RBFOX3: variants seen among roughly 807,000 people sequenced by gnomAD.
RBFOX3 encodes RNA binding fox-1 homolog 3.
A neutral mutation model predicts 48.7 loss-of-function variants in RBFOX3; 17 were observed. That is an observed-to-expected ratio of 0.35 (90% CI 0.24 to 0.52). RBFOX3 has a LOEUF of 0.52. Among genes scored for constraint, RBFOX3 ranks in the 20% least tolerant of loss-of-function variants. RBFOX3 has a pLI of 0.94. For missense variants in RBFOX3, 382 were observed against 497.5 expected (o/e 0.77, Z 2.21); for synonymous variants, 212 against 209.5 (o/e 1.01, Z -0.10).
At chr17:79,466,306 A>T (rs1555753689) in intron 2 of RBFOX3, among the ~76,000 whole-genome samples, 1 of 152,172 alleles carries the variant, frequency 6.6e-6, no homozygotes, top group African/African-American at 2.4e-5. Context: ...GGTGATCAGG[A>T]AGAGTCCTGG....
chr17:79,624,160 A>G, the RBFOX3 span, among the ~76,000 whole-genome samples: 1 of 152,110 alleles, frequency 6.6e-6, no homozygotes, highest in East Asian at 1.9e-4. Flanking sequence ...TTGTTACGGT[A>G]GTCCTAGAAA....
chr17:79,362,525 G>A lies in RBFOX3; in HGVS notation c.-174-54701C>T, dbSNP rs756346922. Among the ~76,000 whole-genome samples, 6 of 152,222 alleles carry A rather than the reference G, an allele frequency of 3.9e-5. No homozygotes were observed. Among genetic ancestry groups the A allele is most frequent in the Non-Finnish European group, 8.8e-5 (6 of 68,034 alleles). ...GGCTGAGGGGAGCAGGGGGAGCAGTGTCAGCAGGGGCCTGGCTGTGGCTTG... is the reference window on the plus strand; with the variant it reads ...GGCTGAGGGGAGCAGGGGGAGCAGTATCAGCAGGGGCCTGGCTGTGGCTTG... On this transcript the variant is annotated intron_variant, in intron 2 of 14. Coordinates refer to ENST00000693108, the MANE Select transcript of RBFOX3 (RefSeq NM_001350451.2). This position sits in a 1 kb window ranked among gnomAD's most constrained non-coding sequence, Gnocchi z 4.2.
At chr17:79,657,565 G>A in the RBFOX3 span, among the ~76,000 whole-genome samples, 2 of 152,218 alleles carry the variant, frequency 1.3e-5, no homozygotes, top group Non-Finnish European at 2.9e-5. Context: ...TGTAGTCCCA[G>A]CTACTCAGGA....
intron 3 of RBFOX3, among the ~76,000 whole-genome samples, chr17:79,280,841 T>TGGGGGGGGGG (rs34734841): frequency 9.8e-6 from 1 of 101,680 alleles, no homozygotes; most frequent in Non-Finnish European, 1.9e-5. Flanking sequence ...TGTCCCATTG[T>TGGGGGGGGGG]GGGGGGGGGG....
At chr17:79,611,166 CTCTCTCTCCGCCCTCCT>C (rs2093963565), upstream of RBFOX3, among the ~76,000 whole-genome samples, 53 of 35,520 alleles carry the variant, frequency 1.5e-3, 8 homozygotes, top group East Asian at 5.6e-3. Flanking sequence ...CTCTCTCTCT[CTCTCTCTCCGCCCTCCT>C]TCTCTCTCTC....
intron 3 of RBFOX3, among the ~76,000 whole-genome samples, chr17:79,289,875 TA>T (rs1294138122): frequency 1.3e-5 from 2 of 152,180 alleles, no homozygotes; most frequent in African/African-American, 2.4e-5. Flanking sequence ...TTGCTAAAAA[TA>T]ACTAATAACA....
intron 1 of RBFOX3, among the ~76,000 whole-genome samples, chr17:79,593,625 C>T (rs1430817042): frequency 1.3e-5 from 2 of 152,196 alleles, no homozygotes. Flanking sequence ...TTCTGAGGAC[C>T]GGAGTGGCCT....
chr17:79,639,330 G>A, the RBFOX3 span, among the ~76,000 whole-genome samples: 93 of 151,858 alleles, frequency 6.1e-4, no homozygotes, highest in African/African-American at 2.0e-3. Context: ...ACCCACCACC[G>A]CGCCCGGCTA....
the RBFOX3 span, among the ~76,000 whole-genome samples, chr17:79,632,309 G>C: frequency 0.026 from 3,983 of 152,234 alleles, 192 homozygotes; most frequent in African/African-American, 0.088. Flanking sequence ...TGGGGCCGGG[G>C]ATGTGCTGCT....
chr17:79,182,004 C>T (rs1053716501), intron 4 of RBFOX3, among the ~76,000 whole-genome samples: 1 of 149,800 alleles, frequency 6.7e-6, no homozygotes, highest in Non-Finnish European at 1.5e-5. Context: ...CACACACAAA[C>T]ACACAATCAC....
In RBFOX3 at chr17:79,101,597, G is replaced by A. The variant is rs2076447451; in HGVS notation, c.555C>T (p.Asn185=). The A allele has an allele frequency of 1.9e-6, 3 of 1,551,194 alleles. No individual in the cohort carries two copies. The highest frequency in any genetic ancestry group is 2.6e-6 in the Non-Finnish European group (3 of 1,146,896). Reference sequence around the variant, plus strand: ...CCAGCCCCTTACCGTTGGTGTAGGGGTTCCCCGTCTTCTTGTTGGTCATCA... The same window carrying A: ...CCAGCCCCTTACCGTTGGTGTAGGGATTCCCCGTCTTCTTGTTGGTCATCA... The part of the protein sequence containing the change: ...ARVMTNKKTG[N]PYTNGWKLNP... Residue 185 remains asparagine, a synonymous_variant, in exon 9 of 15, where the codon AAC becomes AAT. Transcript: ENST00000693108.
chr17:79,464,500 G>A (rs1343172468), intron 2 of RBFOX3, among the ~76,000 whole-genome samples: 2 of 152,244 alleles, frequency 1.3e-5, no homozygotes, highest in Non-Finnish European at 2.9e-5. Flanking sequence ...GCGGCCCGAG[G>A]ACAGGCGACA....
At chr17:79,604,402 C>A (rs930051536) in intron 1 of RBFOX3, among the ~76,000 whole-genome samples, 1,598 of 143,744 alleles carry the variant, frequency 0.011, 24 homozygotes, top group East Asian at 0.063. Flanking sequence ...CCAGGTGATA[C>A]ATTAAAAAGT....
chr17:79,383,963 G>A (rs1031184857), intron 2 of RBFOX3, among the ~76,000 whole-genome samples: 6 of 152,198 alleles, frequency 3.9e-5, no homozygotes, highest in Admixed American at 3.9e-4. Flanking sequence ...TGTGGGGGAA[G>A]GCAAGATTCA....
At chr17:79,419,587 A>G (rs1555720921) in intron 2 of RBFOX3, among the ~76,000 whole-genome samples, 1 of 152,236 alleles carries the variant, frequency 6.6e-6, no homozygotes, top group Non-Finnish European at 1.5e-5. Flanking sequence ...ACACAGGGCA[A>G]TCTTGGAGAA....
At chr17:79,369,318 GC>G (rs1158960618) in intron 2 of RBFOX3, among the ~76,000 whole-genome samples, 1 of 151,842 alleles carries the variant, frequency 6.6e-6, no homozygotes, top group Non-Finnish European at 1.5e-5. Flanking sequence ...ACCACAGTCT[GC>G]CCCCACTCCC....
intron 2 of RBFOX3, among the ~76,000 whole-genome samples, chr17:79,380,550 T>C (rs1388112438): frequency 6.6e-6 from 1 of 152,172 alleles, no homozygotes; most frequent in Non-Finnish European, 1.5e-5. Context: ...CTTTCCTAGA[T>C]GCTGAGCCAG....
chr17:79,155,894 A>G (rs1301522928), intron 4 of RBFOX3, among the ~76,000 whole-genome samples: 1 of 152,182 alleles, frequency 6.6e-6, no homozygotes, highest in Non-Finnish European at 1.5e-5. Flanking sequence ...TCTGACTGCC[A>G]CGGGGCTCGG....
At chr17:79,175,673 A>G (rs11077415) in intron 4 of RBFOX3, among the ~76,000 whole-genome samples, 46,329 of 152,138 alleles carry the variant, frequency 0.3, 7,413 homozygotes, top group East Asian at 0.42. Flanking sequence ...AGATGCTTGA[A>G]GCTGACTCAC....
Sources: allele counts gnomAD v4.1 joint callset (sites outside exome capture counted in the v4.1 genomes callset), GRCh38; gene constraint gnomAD v4.1.1; non-coding constraint Gnocchi (gnomAD v3.1); transcripts MANE v1.5; gene names NCBI Gene and HGNC (gene_info 2026-07-23, HGNC 2026-07-21).